Variants in TXNRD1 observed in about 807,000 individuals in gnomAD.
TXNRD1 encodes the protein thioredoxin reductase 1, cytoplasmic.
Under a neutral mutation model 80.3 loss-of-function variants are expected in TXNRD1, and 57 were observed. That is an observed-to-expected ratio of 0.71 (90% CI 0.57 to 0.89). The LOEUF (loss-of-function observed/expected upper bound fraction) is 0.89, where lower values mean the gene tolerates loss of function less well. Among genes scored for constraint, TXNRD1 ranks in the 40% least tolerant of loss-of-function variants. TXNRD1 has a pLI of 0.00. For missense variants in TXNRD1, 730 were observed against 803.0 expected (o/e 0.91, Z 1.10); for synonymous variants, 291 against 285.2 (o/e 1.02, Z -0.20).
At chr12:104,227,975 T>C (rs2032512890) in intron 1 of TXNRD1, among the ~76,000 whole-genome samples, 1 of 152,102 alleles carries the variant, frequency 6.6e-6, no homozygotes, top group Non-Finnish European at 1.5e-5. Flanking sequence ...GATTATAGAG[T>C]TGCTATAAGC....
At chr12:104,273,638 G>A (rs765784148) in intron 3 of TXNRD1, among the ~76,000 whole-genome samples, 6 of 151,958 alleles carry the variant, frequency 3.9e-5, no homozygotes, top group African/African-American at 1.4e-4. Context: ...GAATGCTCGC[G>A]CCACCCTCAG....
At chr12:104,229,130 C>T (rs962432405) in intron 1 of TXNRD1, among the ~76,000 whole-genome samples, 16 of 149,218 alleles carry the variant, frequency 1.1e-4, no homozygotes, top group Non-Finnish European at 2.1e-4. Flanking sequence ...TTGCCTATTC[C>T]GAGCATTACT....
At chr12:104,224,493 A>G (rs999576373) in intron 1 of TXNRD1, among the ~76,000 whole-genome samples, 1 of 152,016 alleles carries the variant, frequency 6.6e-6, no homozygotes, top group African/African-American at 2.4e-5. Context: ...GGTTGAGGCA[A>G]TTCTTCTGCC....
At chr12:104,286,625 C>A in intron 3 of TXNRD1, 6 of 667,018 alleles carry the variant, frequency 9.0e-6, no homozygotes, top group Non-Finnish European at 1.1e-5. Flanking sequence ...CCAGGTCACA[C>A]TCCACACCAA....
intron 2 of TXNRD1, among the ~76,000 whole-genome samples, chr12:104,252,681 T>C (rs2033148417): frequency 8.8e-6 from 1 of 114,220 alleles, no homozygotes; most frequent in African/African-American, 3.6e-5. Context: ...TATATATATA[T>C]ATATATATAT....
At chr12:104,241,173 G>A (rs754392084) in intron 1 of TXNRD1, among the ~76,000 whole-genome samples, 11 of 151,592 alleles carry the variant, frequency 7.3e-5, no homozygotes, top group Non-Finnish European at 1.3e-4. Context: ...CCAAGTAGCT[G>A]GGACTACGGG....
chr12:104,335,648 T>C (rs908415480), intron 15 of TXNRD1, among the ~76,000 whole-genome samples: 2 of 152,194 alleles, frequency 1.3e-5, no homozygotes, highest in Admixed American at 1.3e-4. Flanking sequence ...TATATTCATA[T>C]ACACACACTC....
chr12:104,262,478 G>C (rs999037862), intron 3 of TXNRD1: 1 of 152,128 alleles, frequency 6.6e-6, no homozygotes, highest in African/African-American at 2.4e-5. Flanking sequence ...CTGGTTTCAT[G>C]AATAAACACC....
chr12:104,252,690 ATTTTTTTTTT>A (rs869239974), intron 2 of TXNRD1, among the ~76,000 whole-genome samples: 2 of 39,648 alleles, frequency 5.0e-5, no homozygotes, highest in African/African-American at 2.3e-4. Flanking sequence ...ATATATATAT[ATTTTTTTTTT>A]TTTTTTTTTT....
Position 104,278,609 on chromosome 12 carries a change from C to A in TXNRD1, c.305-10322C>A, listed in dbSNP as rs973682270. Among the ~76,000 whole-genome samples, 9 of 148,602 alleles carry A rather than the reference C, an allele frequency of 6.1e-5. No individual in the cohort carries two copies. The Admixed American group carries it at 6.1e-4, about 10-fold the overall frequency. On this transcript the variant is annotated intron_variant, in intron 3 of 16. Transcript: ENST00000525566. The stretch of plus-strand genomic sequence containing the variant: ...CTCCACCTCCCGGGTTCAAGCAGTT[C>A]TCCTGCCTCAGCCTCCTGAGTAGCT...
intron 4 of TXNRD1, chr12:104,304,380 C>A: frequency 1.2e-6 from 2 of 1,614,028 alleles, no homozygotes; most frequent in Non-Finnish European, 1.7e-6. Context: ...ATAGCTCTTT[C>A]CTTCTGGAAG....
At position 104,311,351 on chromosome 12, in the gene TXNRD1, A is replaced by C. The variant is rs144186955; in HGVS notation, c.476A>C (p.Lys159Thr). The C allele has an allele frequency of 2.6e-5, 42 of 1,613,378 alleles. No individual in the cohort carries two copies. In the African/African-American group the frequency reaches 4.8e-4, roughly 18 times the overall value. Residue 159 changes from lysine (K) to threonine (T), a missense_variant, in exon 5 of 17, where the codon AAG becomes ACG. By Grantham distance (78) the Lys-to-Thr change is moderately conservative (BLOSUM62 -1). Transcript: ENST00000525566. ...ATGAACGGCCCTGAAGATCTTCCCA[A>C]GTCCTATGACTATGACCTTATCATC... is the stretch of plus-strand genomic sequence containing the variant. ...LKMNGPEDLP[K>T]SYDYDLIIIG... is the part of the protein sequence containing the mutation.
At chr12:104,301,090 C>G (rs2034606130) in intron 4 of TXNRD1, among the ~76,000 whole-genome samples, 1 of 152,202 alleles carries the variant, frequency 6.6e-6, no homozygotes, top group African/African-American at 2.4e-5. Context: ...CCTCGATATG[C>G]TCTGTTGCTC....
At chr12:104,272,647 C>T (rs112634692) in intron 3 of TXNRD1, among the ~76,000 whole-genome samples, 10,429 of 152,004 alleles carry the variant, frequency 0.069, 444 homozygotes, top group Middle Eastern at 0.15. Context: ...AAAAAATTAG[C>T]TGGGCGTGGT....
chr12:104,274,402 A>G (rs563484312), intron 3 of TXNRD1, among the ~76,000 whole-genome samples: 1 of 152,242 alleles, frequency 6.6e-6, no homozygotes, highest in African/African-American at 2.4e-5. Flanking sequence ...TTAGAGGTTA[A>G]TAATAATAAG....
At chr12:104,261,937 A>G (rs1004343410) in intron 3 of TXNRD1, among the ~76,000 whole-genome samples, 4 of 151,920 alleles carry the variant, frequency 2.6e-5, no homozygotes, top group Non-Finnish European at 4.4e-5. Flanking sequence ...TAGTAGAGAC[A>G]GGTTTTCACC....
At chr12:104,340,692 C>T (rs2135888417) in intron 16 of TXNRD1, among the ~76,000 whole-genome samples, 1 of 152,274 alleles carries the variant, frequency 6.6e-6, no homozygotes, top group South Asian at 2.1e-4. Context: ...TATAAAGAAA[C>T]TCCAGTCATT....
At chr12:104,306,584 T>G (rs995551918) in intron 4 of TXNRD1, among the ~76,000 whole-genome samples, 1 of 152,132 alleles carries the variant, frequency 6.6e-6, no homozygotes, top group African/African-American at 2.4e-5. Flanking sequence ...ACACCAAGAC[T>G]GAGAGGAAGG....
chr12:104,267,943 G>A (rs556724219), intron 3 of TXNRD1, among the ~76,000 whole-genome samples: 44 of 150,286 alleles, frequency 2.9e-4, no homozygotes, highest in African/African-American at 1.1e-3. Flanking sequence ...TCCATCTCCC[G>A]GGTTCAAACA....
Sources: gnomAD v4.1 joint callset for allele counts (sites outside exome capture counted in the v4.1 genomes callset) on GRCh38, gnomAD v4.1.1 for gene constraint, MANE v1.5 for transcripts, NCBI Gene and HGNC (gene_info 2026-07-23, HGNC 2026-07-21) for gene names.